The following DSCAM variants were observed in gnomAD, a reference collection of about 807,000 sequenced individuals.
DSCAM encodes the protein DS cell adhesion molecule.
Under a neutral mutation model 217.7 loss-of-function variants are expected in DSCAM, and 47 were observed. The observed-to-expected ratio is 0.22, with a 90% CI of 0.17 to 0.28. The LOEUF is 0.28. Among genes scored for constraint, DSCAM ranks in the 10% least tolerant of loss-of-function variants. DSCAM has a pLI of 1.00. For missense variants in DSCAM, 2,080 were observed against 2,618.3 expected, an observed-to-expected ratio of 0.79 and a Z score of 4.49; for synonymous variants, 1,056 against 1,015.3, an observed-to-expected ratio of 1.04 and a Z score of -0.76.
At chr21:40,696,221 G>A (rs1483494141) in intron 2 of DSCAM, among the ~76,000 whole-genome samples, 2 of 151,966 alleles carry the variant, frequency 1.3e-5, no homozygotes, top group Non-Finnish European at 2.9e-5. Flanking sequence ...GGACAGCACT[G>A]TGGTGCTCTG....
chr21:40,520,916 G>T (rs2146087721), intron 3 of DSCAM, among the ~76,000 whole-genome samples: 1 of 152,224 alleles, frequency 6.6e-6, no homozygotes, highest in South Asian at 2.1e-4. Context: ...AGCTTAAATG[G>T]CCTTTGCTTG....
At chr21:40,813,606 A>G (rs951052338) in intron 1 of DSCAM, among the ~76,000 whole-genome samples, 17 of 140,174 alleles carry the variant, frequency 1.2e-4, no homozygotes, top group South Asian at 2.4e-4. Flanking sequence ...TGATTTCCAT[A>G]TATTTGTATA....
chr21:40,583,620 A>C (rs183706284), intron 3 of DSCAM, among the ~76,000 whole-genome samples: 18 of 152,318 alleles, frequency 1.2e-4, no homozygotes, highest in African/African-American at 3.6e-4. Flanking sequence ...AAAAAATGCC[A>C]GTTTCCTTTT....
intron 10 of DSCAM, among the ~76,000 whole-genome samples, chr21:40,294,887 G>A (rs1183234081): frequency 6.6e-6 from 1 of 152,184 alleles, no homozygotes; most frequent in Non-Finnish European, 1.5e-5. Flanking sequence ...GATGTGGTGT[G>A]TGGTGTGTGA....
At chr21:40,809,284 T>C (rs2091816120) in intron 1 of DSCAM, among the ~76,000 whole-genome samples, 1 of 151,802 alleles carries the variant, frequency 6.6e-6, no homozygotes, top group Non-Finnish European at 1.5e-5. Flanking sequence ...TGGTGTGAGT[T>C]CTCCAGAAGC....
chr21:40,509,364 T>A (rs2076240417), intron 3 of DSCAM, among the ~76,000 whole-genome samples: 1 of 152,236 alleles, frequency 6.6e-6, no homozygotes, highest in South Asian at 2.1e-4. Flanking sequence ...GCAAAGGGTC[T>A]TTTTCCAAGA....
chr21:40,103,335 A>C (rs1439407853), intron 20 of DSCAM, among the ~76,000 whole-genome samples: 3 of 152,180 alleles, frequency 2.0e-5, no homozygotes, highest in Non-Finnish European at 4.4e-5. Context: ...AGTGAAAAAA[A>C]AACTCCCCCA....
chr21:40,697,326 T>C (rs903687194), intron 2 of DSCAM, among the ~76,000 whole-genome samples: 8 of 152,106 alleles, frequency 5.3e-5, no homozygotes, highest in South Asian at 2.1e-4. Flanking sequence ...CTGTGCAGAG[T>C]TTTTCTGCTT....
At chr21:40,597,937 G>C (rs2146256102) in intron 3 of DSCAM, among the ~76,000 whole-genome samples, 1 of 152,322 alleles carries the variant, frequency 6.6e-6, no homozygotes, top group South Asian at 2.1e-4. Context: ...GCAACAGTGT[G>C]AGGAATTTGC....
intron 3 of DSCAM, among the ~76,000 whole-genome samples, chr21:40,416,600 A>G (rs898304380): frequency 1.3e-5 from 2 of 152,200 alleles, no homozygotes; most frequent in Admixed American, 1.3e-4. Context: ...ACAGGTTTGT[A>G]GTTTCAGCAA....
chr21:40,531,333 C>T (rs1371601917), intron 3 of DSCAM, among the ~76,000 whole-genome samples: 1 of 152,212 alleles, frequency 6.6e-6, no homozygotes, highest in Non-Finnish European at 1.5e-5. Context: ...GCCACCACAC[C>T]TGTCTCATTC....
chr21:40,198,132 T>G lies in DSCAM; in HGVS notation c.2357-8894A>C, dbSNP rs143845238. Reference sequence around the variant, plus strand: ...CATCTCCCGCAAGCCTATTGCATATTTGTAGAATTAAGCAGACGAGACTGG... The same window carrying G: ...CATCTCCCGCAAGCCTATTGCATATGTGTAGAATTAAGCAGACGAGACTGG... On this transcript the variant is annotated intron_variant, in intron 11 of 32. Transcript: ENST00000400454. 2.0e-4 allele frequency among the ~76,000 whole-genome samples: 30 copies of G among 152,230 alleles called. No homozygotes were observed. The East Asian group carries it at 4.6e-3, about 24-fold the overall frequency.
At chr21:40,035,398 A>T (rs2088600057) in intron 32 of DSCAM, among the ~76,000 whole-genome samples, 1 of 114,554 alleles carries the variant, frequency 8.7e-6, no homozygotes, top group Non-Finnish European at 1.8e-5. Flanking sequence ...CAAACCAACA[A>T]AGATCAAAAG....
Position 40,350,045 on chromosome 21 carries a change from C to CTAT in DSCAM, c.935-2103_935-2101dup, listed in dbSNP as rs541852095. ...TTTAATCCATTCTGGTAATCTTCTC[C>CTAT]TATTATTATTATTATTATTTATTTC... is the stretch of plus-strand genomic sequence containing the variant. On this transcript the variant is annotated intron_variant, in intron 5 of 32. Coordinates refer to ENST00000400454, the MANE Select transcript of DSCAM (RefSeq NM_001389.5). Among the ~76,000 whole-genome samples, 622 of 151,868 alleles carry CTAT rather than the reference C, an allele frequency of 4.1e-3. 4 individuals are homozygous for CTAT. The highest frequency in any genetic ancestry group is 0.012 in the African/African-American group (494 of 41,444).
rs2090329783 is a variant in DSCAM at position 40,144,397 on chromosome 21, G to GA, written c.3259+93_3259+94insT. Reference sequence around the variant, plus strand: ...CCCTGCAGGTCACTGCAAAGTCGTGGGGCGGGGGAGTGCGAGGTTGGGGGA... The same window carrying GA: ...CCCTGCAGGTCACTGCAAAGTCGTGGAGGCGGGGGAGTGCGAGGTTGGGGGA... On this transcript the variant is annotated intron_variant, in intron 17 of 32. Coordinates refer to ENST00000400454, the MANE Select transcript of DSCAM (RefSeq NM_001389.5). This position sits in a 1 kb window ranked among gnomAD's most constrained non-coding sequence, Gnocchi z 4.8. 4 of 1,558,616 alleles carry GA rather than the reference G, an allele frequency of 2.6e-6. No individual in the cohort carries two copies. The South Asian group carries it at 4.8e-5, about 19-fold the overall frequency.
At chr21:40,454,221 G>C (rs916980984) in intron 3 of DSCAM, among the ~76,000 whole-genome samples, 1 of 152,166 alleles carries the variant, frequency 6.6e-6, no homozygotes, top group Non-Finnish European at 1.5e-5. Flanking sequence ...TTCATTCCCA[G>C]TTATGAAAGG....
intron 3 of DSCAM, among the ~76,000 whole-genome samples, chr21:40,543,378 A>G (rs975524548): frequency 3.3e-5 from 5 of 152,202 alleles, no homozygotes; most frequent in Non-Finnish European, 7.3e-5. Context: ...GGTGGCCTTT[A>G]GCTAAGTGAT....
chr21:40,156,237 G>T (rs1442158388), intron 16 of DSCAM, among the ~76,000 whole-genome samples: 1 of 148,572 alleles, frequency 6.7e-6, no homozygotes, highest in East Asian at 2.1e-4. Context: ...CACACAGATG[G>T]GAACGGCACT....
rs531857627 is a variant in DSCAM at position 40,628,949 on chromosome 21, G to GT, written c.508+63860dup. Among the ~76,000 whole-genome samples, 23 of 152,184 alleles carry GT rather than the reference G, an allele frequency of 1.5e-4. No individual in the cohort carries two copies. The South Asian group carries it at 4.8e-3, about 32-fold the overall frequency. On this transcript the variant is annotated intron_variant, in intron 3 of 32. Coordinates refer to ENST00000400454, the MANE Select transcript of DSCAM (RefSeq NM_001389.5). ...TTTTTGGAGAGATGGGGTTTGACAT[G>GT]TTGCCCAGGTTGGTATCAAACTCCT... is the stretch of plus-strand genomic sequence containing the variant.
Sources: gnomAD v4.1 joint callset for allele counts (sites outside exome capture counted in the v4.1 genomes callset) on GRCh38, gnomAD v4.1.1 for gene constraint, Gnocchi (gnomAD v3.1) non-coding constraint, MANE v1.5 for transcripts, NCBI Gene and HGNC (gene_info 2026-07-23, HGNC 2026-07-21) for gene names.